The following HABP2 variants were observed in gnomAD, a reference collection of about 807,000 sequenced individuals.
HABP2 encodes factor VII-activating protease.
A neutral mutation model predicts 66.5 loss-of-function variants in HABP2; 65 were observed. That is an observed-to-expected ratio of 0.98 (90% CI 0.80 to 1.20). The LOEUF (loss-of-function observed/expected upper bound fraction) is 1.20, where lower values mean the gene tolerates loss of function less well. Among genes scored for constraint, HABP2 ranks in the 50% most tolerant of loss-of-function variants. HABP2 has a pLI of 0.00. For synonymous variants in HABP2, 263 were observed against 253.9 expected, an observed-to-expected ratio of 1.04 and a Z score of -0.34; for missense variants, 786 against 691.0, an observed-to-expected ratio of 1.14 and a Z score of -1.54.
At chr10:113,571,851 C>T (rs1392146992) in intron 2 of HABP2, among the ~76,000 whole-genome samples, 1 of 152,242 alleles carries the variant, frequency 6.6e-6, no homozygotes, top group East Asian at 1.9e-4. Context: ...ATTCCCAATG[C>T]CATCCTGAAC....
intron 1 of HABP2, among the ~76,000 whole-genome samples, chr10:113,558,506 C>T (rs529617914): frequency 1.3e-5 from 2 of 152,336 alleles, no homozygotes; most frequent in Non-Finnish European, 2.9e-5. Context: ...CCAGCACCCG[C>T]CAGTCCTTCC....
At chr10:113,563,143 C>A (rs1845130369) in intron 1 of HABP2, among the ~76,000 whole-genome samples, 1 of 152,204 alleles carries the variant, frequency 6.6e-6, no homozygotes, top group Non-Finnish European at 1.5e-5. Context: ...GGAATGTGAA[C>A]TGAGATAACA....
At position 113,580,696 on chromosome 10, in the gene HABP2, A is replaced by G. The variant is rs759759247; in HGVS notation, c.838+4A>G. ...GTCTCAGCCTGCTCAGCCCAGGGTAAAGGCCATGGCTGTTCAGAAGCCCAG... is the reference window on the plus strand; with the variant it reads ...GTCTCAGCCTGCTCAGCCCAGGGTAGAGGCCATGGCTGTTCAGAAGCCCAG... On this transcript the variant is annotated splice_donor_region_variant and intron_variant, in intron 8 of 12. Transcript: ENST00000351270. 4.7e-6 allele frequency: 7 copies of G among 1,480,398 alleles called. No individual in the cohort carries two copies. The highest frequency in any genetic ancestry group is 6.6e-6 in the Non-Finnish European group (7 of 1,058,270). 91.7% of individuals were successfully genotyped at this position (1,480,398 alleles called of 1,614,324 possible).
chr10:113,584,587 A>G lies in HABP2; in HGVS notation c.1372+305A>G, dbSNP rs185526121. On this transcript the variant is annotated intron_variant, in intron 11 of 12. Coordinates refer to ENST00000351270, the MANE Select transcript of HABP2 (RefSeq NM_004132.5). Reference sequence around the variant, plus strand: ...TTCCTAGTTAGATTGGAAAGAGGAAAGATCATGGATTTTTGAGTCAGACAG... The same window carrying G: ...TTCCTAGTTAGATTGGAAAGAGGAAGGATCATGGATTTTTGAGTCAGACAG... Among the ~76,000 whole-genome samples, 23 of 152,368 alleles carry G rather than the reference A, an allele frequency of 1.5e-4. No homozygotes were observed. In the East Asian group the frequency reaches 4.0e-3, roughly 27 times the overall value.
At chr10:113,559,377 A>C (rs1479759921) in intron 1 of HABP2, among the ~76,000 whole-genome samples, 1 of 152,238 alleles carries the variant, frequency 6.6e-6, no homozygotes, top group Non-Finnish European at 1.5e-5. Flanking sequence ...GAGCAGCCAA[A>C]GTTCCTTGAA....
chr10:113,554,866 C>T (rs369144883), intron 1 of HABP2, among the ~76,000 whole-genome samples: 1 of 152,156 alleles, frequency 6.6e-6, no homozygotes, highest in Non-Finnish European at 1.5e-5. Flanking sequence ...GAGAGTTAGC[C>T]TTCAGGCAAT....
At chr10:113,586,084 CT>C in intron 12 of HABP2, 146 bp downstream of exon 12, 1 of 680,498 alleles carries the variant, frequency 1.5e-6, no homozygotes, top group Non-Finnish European at 2.5e-6. Flanking sequence ...TGTCTGCCCC[CT>C]GGCCCTCTGG....
At chr10:113,553,318 C>G in intron 1 of HABP2, 128 bp downstream of exon 1, 2 of 708,976 alleles carry the variant, frequency 2.8e-6, no homozygotes, top group African/African-American at 1.8e-5. Flanking sequence ...GATGTTCTAA[C>G]TACAAGAACC....
intron 7 of HABP2, among the ~76,000 whole-genome samples, chr10:113,580,373 C>A (rs1845501159): frequency 6.6e-6 from 1 of 152,156 alleles, no homozygotes; most frequent in Non-Finnish European, 1.5e-5. Flanking sequence ...CTTGGGACCG[C>A]TTTCTTGTCC....
At chr10:113,556,143 A>G (rs1031208826) in intron 1 of HABP2, among the ~76,000 whole-genome samples, 2 of 152,218 alleles carry the variant, frequency 1.3e-5, no homozygotes, top group Admixed American at 1.3e-4. Context: ...CCAGGGATAG[A>G]GCCACAAAAC....
rs546285697 is a variant in HABP2, at chr10:113,563,919, G to T, written c.70-3570G>T. ...AAGGCAAGGCAGGGAGCAAAGACCAGGACCAAGGCCCAGATGACTGGGGGT... is the reference window on the plus strand; with the variant it reads ...AAGGCAAGGCAGGGAGCAAAGACCATGACCAAGGCCCAGATGACTGGGGGT... On this transcript the variant is annotated intron_variant, in intron 1 of 12. Transcript: ENST00000351270. Among the ~76,000 whole-genome samples, 4 of 152,286 alleles carry T rather than the reference G, an allele frequency of 2.6e-5. No individual in the cohort carries two copies. The East Asian group carries it at 7.7e-4, about 29-fold the overall frequency.
At chr10:113,574,176 T>G (rs1186220249) in intron 2 of HABP2, 113 bp from the exon 3 acceptor site, 5 of 662,284 alleles carry the variant, frequency 7.5e-6, no homozygotes, top group Non-Finnish European at 1.4e-5. Flanking sequence ...AGACACATGA[T>G]TCCTCCTGCA....
upstream of HABP2, among the ~76,000 whole-genome samples, chr10:113,551,719 T>A (rs958193519): frequency 6.6e-6 from 1 of 152,082 alleles, no homozygotes; most frequent in Non-Finnish European, 1.5e-5. Flanking sequence ...GGCAGGAGAA[T>A]CACTTGAATC....
intron 10 of HABP2, 99 bp from the exon 11 acceptor site, chr10:113,584,049 G>A (rs1484222119): frequency 2.1e-6 from 2 of 959,392 alleles, no homozygotes; most frequent in African/African-American, 1.6e-5. Context: ...GGGGGCAGGT[G>A]GGGCTTTGCT....
chr10:113,582,555 T>A (rs1845560155), intron 9 of HABP2, among the ~76,000 whole-genome samples: 1 of 152,198 alleles, frequency 6.6e-6, no homozygotes, highest in Non-Finnish European at 1.5e-5. Context: ...TGAAGTTGTA[T>A]GGAAAGTTAA....
At chr10:113,556,750 A>G (rs1845001303) in intron 1 of HABP2, among the ~76,000 whole-genome samples, 2 of 150,652 alleles carry the variant, frequency 1.3e-5, no homozygotes, top group African/African-American at 4.9e-5. Context: ...GAAAGAAAAA[A>G]GAAGCTTGAG....
chr10:113,574,949 ATG>A (rs1316501814), intron 3 of HABP2, among the ~76,000 whole-genome samples: 1 of 151,558 alleles, frequency 6.6e-6, no homozygotes, highest in African/African-American at 2.4e-5. Context: ...ATGTGTGCAT[ATG>A]TGTGTGTGTG....
chr10:113,565,455 C>G (rs1260300942), intron 1 of HABP2, among the ~76,000 whole-genome samples: 1 of 152,158 alleles, frequency 6.6e-6, no homozygotes, highest in Non-Finnish European at 1.5e-5. Flanking sequence ...AGCCAATGTA[C>G]AGAGATCACA....
At chr10:113,553,317 A>G in intron 1 of HABP2, 127 bp downstream of exon 1, 1 of 714,982 alleles carries the variant, frequency 1.4e-6, no homozygotes. Context: ...AGATGTTCTA[A>G]CTACAAGAAC....
Sources: allele counts gnomAD v4.1 joint callset (sites outside exome capture counted in the v4.1 genomes callset), GRCh38; gene constraint gnomAD v4.1.1; transcripts MANE v1.5; gene names NCBI Gene and HGNC (gene_info 2026-07-23, HGNC 2026-07-21).